The following PCDHGA10 variants were observed in gnomAD, a reference collection of about 807,000 sequenced individuals.
PCDHGA10 encodes the protein protocadherin gamma-A10.
A neutral mutation model predicts 59.5 loss-of-function variants in PCDHGA10; 42 were observed. That is an observed-to-expected ratio of 0.71 (90% CI 0.55 to 0.91). PCDHGA10 has a LOEUF of 0.91. Among genes scored for constraint, PCDHGA10 ranks in the 40% least tolerant of loss-of-function variants. The pLI is 0.00. For missense variants in PCDHGA10, 1,111 were observed against 1,198.2 expected (o/e 0.93, Z 1.07); for synonymous variants, 511 against 517.2 (o/e 0.99, Z 0.16).
Position 141,431,854 on chromosome 5 carries a change from A to G in PCDHGA10, c.2436+16243A>G. On this transcript the variant is annotated intron_variant, in intron 1 of 3. Coordinates refer to ENST00000398610, the MANE Select transcript of PCDHGA10 (RefSeq NM_018913.3). The surrounding 1 kb of genome is among the most constrained non-coding windows in gnomAD (Gnocchi z 4.8). Reference sequence around the variant, plus strand: ...CCGAAAACTCTCCCAGAGGGACATTAATTGCCCTTTTAAATGTAAATGACC... The same window carrying G: ...CCGAAAACTCTCCCAGAGGGACATTGATTGCCCTTTTAAATGTAAATGACC... The G allele has an allele frequency of 6.2e-7, 1 of 1,614,230 alleles. No individual in the cohort carries two copies. The highest frequency in any genetic ancestry group is 1.3e-5 in the African/African-American group (1 of 75,070).
chr5:141,450,489 CTGTT>C (rs1372781820), intron 1 of PCDHGA10, among the ~76,000 whole-genome samples: 4 of 150,280 alleles, frequency 2.7e-5, no homozygotes, highest in Non-Finnish European at 2.9e-5. Context: ...GTTTGTTTGT[CTGTT>C]TGTTTGTTTT....
chr5:141,417,232 G>C (rs997894028), intron 1 of PCDHGA10: 5 of 152,072 alleles, frequency 3.3e-5, no homozygotes, highest in Non-Finnish European at 7.4e-5. Flanking sequence ...AAAATTTGTT[G>C]CTTATCTTCA....
intron 1 of PCDHGA10, 121 bp downstream of exon 1, chr5:141,415,732 T>G (rs1159160519): frequency 5.0e-6 from 7 of 1,411,138 alleles, no homozygotes; most frequent in Non-Finnish European, 6.5e-6. Context: ...AATTTGATGT[T>G]TATTAAGGTT....
intron 1 of PCDHGA10, among the ~76,000 whole-genome samples, chr5:141,458,883 C>A (rs1171747288): frequency 6.6e-6 from 1 of 152,136 alleles, no homozygotes; most frequent in East Asian, 1.9e-4. Flanking sequence ...CAGGCATGCA[C>A]ACCATGCGCA....
chr5:141,499,404 T>G (rs1468724077), intron 2 of PCDHGA10, among the ~76,000 whole-genome samples: 3 of 152,178 alleles, frequency 2.0e-5, no homozygotes, highest in African/African-American at 7.2e-5. Context: ...ACATGCTCAT[T>G]ATAGAAACAT....
intron 1 of PCDHGA10, among the ~76,000 whole-genome samples, chr5:141,466,519 C>A (rs1406838553): frequency 6.6e-6 from 1 of 151,864 alleles, no homozygotes; most frequent in Non-Finnish European, 1.5e-5. Flanking sequence ...CATTTTTTTT[C>A]CTCCCAAATT....
chr5:141,419,402 T>G (rs2096376244), intron 1 of PCDHGA10: 1 of 1,613,378 alleles, frequency 6.2e-7, no homozygotes, highest in African/African-American at 1.3e-5. Flanking sequence ...CGGGGTGGTG[T>G]TCGCGCAGCG....
chr5:141,486,138 C>T lies in PCDHGA10; in HGVS notation c.2437-8669C>T. On this transcript the variant is annotated intron_variant, in intron 1 of 3. Transcript: ENST00000398610. This position sits in a 1 kb window ranked among gnomAD's most constrained non-coding sequence, Gnocchi z 5.0. ...AATTACTATGAATTTGATGTGCGGG[C>T]TCGCGATGGGGGTTCTCCAGCCATG... The T allele has an allele frequency of 6.2e-7, 1 of 1,614,212 alleles. No individual in the cohort carries two copies. The highest frequency in any genetic ancestry group is 1.3e-5 in the African/African-American group (1 of 75,052).
Position 141,490,151 on chromosome 5 carries a change from T to A in PCDHGA10, c.2437-4656T>A, listed in dbSNP as rs1449636059. 6.2e-6 allele frequency: 10 copies of A among 1,614,210 alleles called. No homozygotes were observed. The highest frequency in any genetic ancestry group is 8.5e-6 in the Non-Finnish European group (10 of 1,180,018). On this transcript the variant is annotated intron_variant, in intron 1 of 3. Transcript: ENST00000398610. This position sits in a 1 kb window ranked among gnomAD's most constrained non-coding sequence, Gnocchi z 5.4. ...GACCCTAGCAGTGGGGCAATCCATG[T>A]GTTGGGTCCCATAGACTTTGAGGAG... is the stretch of plus-strand genomic sequence containing the variant.
intron 1 of PCDHGA10, among the ~76,000 whole-genome samples, chr5:141,456,288 G>A (rs371687260): frequency 1.4e-3 from 217 of 152,226 alleles, no homozygotes; most frequent in Middle Eastern, 6.8e-3. Context: ...GAAAAGGGGC[G>A]TCTAATGGAG....
At chr5:141,473,450 T>A (rs2099322542) in intron 1 of PCDHGA10, among the ~76,000 whole-genome samples, 2 of 152,150 alleles carry the variant, frequency 1.3e-5, no homozygotes, top group South Asian at 4.1e-4. Flanking sequence ...AAAATAATTA[T>A]AAAATTTAAA....
chr5:141,464,483 C>G (rs192469583), intron 1 of PCDHGA10, among the ~76,000 whole-genome samples: 32 of 151,368 alleles, frequency 2.1e-4, no homozygotes, highest in African/African-American at 7.3e-4. Flanking sequence ...ATAATAAATT[C>G]CTAATAGTGT....
rs150692324 is a variant in PCDHGA10 at position 141,431,149 on chromosome 5, G to T, written c.2436+15538G>T. 1.2e-6 allele frequency: 2 copies of T among 1,614,210 alleles called. No homozygotes were observed. Among genetic ancestry groups the T allele is most frequent in the Non-Finnish European group, 1.7e-6 (2 of 1,180,020 alleles). ...AAGTAAGGGACATTAACGACAATGC[G>T]CCTTACTTTCGTGAAAGTGAATTAG... On this transcript the variant is annotated intron_variant, in intron 1 of 3. Coordinates refer to ENST00000398610, the MANE Select transcript of PCDHGA10 (RefSeq NM_018913.3). This position sits in a 1 kb window ranked among gnomAD's most constrained non-coding sequence, Gnocchi z 4.8.
In PCDHGA10 at chr5:141,431,889, A is replaced by G; in HGVS notation, c.2436+16278A>G. 1 of 1,614,170 alleles carries G rather than the reference A, an allele frequency of 6.2e-7. No homozygotes were observed. The highest frequency in any genetic ancestry group is 2.2e-5 in the East Asian group (1 of 44,888). On this transcript the variant is annotated intron_variant, in intron 1 of 3. Transcript: ENST00000398610. The surrounding 1 kb of genome is among the most constrained non-coding windows in gnomAD (Gnocchi z 4.8). The stretch of plus-strand genomic sequence containing the variant: ...TTAAATGTAAATGACCAAGATTCTG[A>G]GGAAAACGGACAGGTGATCTGTTTC...
In PCDHGA10 at chr5:141,492,559, C is replaced by A. The variant is rs533830391; in HGVS notation, c.2437-2248C>A. ...GGGCTGGGCCGGGTCGCCTGGGGGG[C>A]GGCCTGAGCGAGGCGCGGGGCCAGG... On this transcript the variant is annotated intron_variant, in intron 1 of 3. Coordinates refer to ENST00000398610, the MANE Select transcript of PCDHGA10 (RefSeq NM_018913.3). 2.6e-5 allele frequency among the ~76,000 whole-genome samples: 4 copies of A among 152,292 alleles called. No individual in the cohort carries two copies. The East Asian group carries it at 7.7e-4, about 29-fold the overall frequency.
chr5:141,499,268 G>C (rs564234341), intron 2 of PCDHGA10, among the ~76,000 whole-genome samples: 1 of 152,224 alleles, frequency 6.6e-6, no homozygotes, highest in South Asian at 2.1e-4. Flanking sequence ...TTGGTCCCTA[G>C]ACTGTTCTCT....
In PCDHGA10 at chr5:141,489,594, TGTAGAG is replaced by T. The variant is rs1298302866; in HGVS notation, c.2437-5206_2437-5201del. 1 of 1,613,958 alleles carries T rather than the reference TGTAGAG, an allele frequency of 6.2e-7. No homozygotes were observed. The highest frequency in any genetic ancestry group is 1.3e-5 in the African/African-American group (1 of 74,906). ...CTGAACACCCCCTGGAGCTAATCCG[TGTAGAG>T]GTAGAGATCCTGGATCTCAATGACA... On this transcript the variant is annotated intron_variant, in intron 1 of 3. Coordinates refer to ENST00000398610, the MANE Select transcript of PCDHGA10 (RefSeq NM_018913.3). The surrounding 1 kb of genome is among the most constrained non-coding windows in gnomAD (Gnocchi z 4.5).
Position 141,485,399 on chromosome 5 carries a change from C to T in PCDHGA10, c.2437-9408C>T. On this transcript the variant is annotated intron_variant, in intron 1 of 3. Coordinates refer to ENST00000398610, the MANE Select transcript of PCDHGA10 (RefSeq NM_018913.3). This position sits in a 1 kb window ranked among gnomAD's most constrained non-coding sequence, Gnocchi z 5.7. ...TGGAGAGGTGAACCAAAGACACTTC[C>T]GTGTGGATTTGGACAGCGGAGCCCT... 3 of 1,614,000 alleles carry T rather than the reference C, an allele frequency of 1.9e-6. No homozygotes were observed. The highest frequency in any genetic ancestry group is 2.5e-6 in the Non-Finnish European group (3 of 1,179,922).
intron 1 of PCDHGA10, among the ~76,000 whole-genome samples, chr5:141,448,516 A>T (rs1210489939): frequency 3.9e-5 from 6 of 152,152 alleles, no homozygotes; most frequent in Non-Finnish European, 8.8e-5. Flanking sequence ...TTATAACTTT[A>T]TTAAGCATCC....
Sources: allele counts gnomAD v4.1 joint callset (sites outside exome capture counted in the v4.1 genomes callset), GRCh38; gene constraint gnomAD v4.1.1; non-coding constraint Gnocchi (gnomAD v3.1); transcripts MANE v1.5; gene names NCBI Gene and HGNC (gene_info 2026-07-23, HGNC 2026-07-21).